Variants in MAP3K20 observed in about 807,000 individuals in gnomAD.
MAP3K20 encodes the protein mitogen-activated protein kinase kinase kinase 20.
A neutral mutation model predicts 85.7 loss-of-function variants in MAP3K20; 40 were observed. The ratio of observed to expected loss-of-function variants is 0.47; its 90% confidence interval spans 0.36 to 0.61. The LOEUF (loss-of-function observed/expected upper bound fraction) is 0.61, where lower values mean the gene tolerates loss of function less well. Among genes scored for constraint, MAP3K20 ranks in the 20% least tolerant of loss-of-function variants. The pLI is 0.00. For synonymous variants in MAP3K20, 325 were observed against 327.7 expected (o/e 0.99, Z 0.09); for missense variants, 817 against 961.7 (o/e 0.85, Z 1.99).
chr2:173,126,965 T>C (rs1688463024), intron 2 of MAP3K20, among the ~76,000 whole-genome samples: 1 of 152,248 alleles, frequency 6.6e-6, no homozygotes. Context: ...GGTTTTAGAA[T>C]GGACATTTAA....
chr2:173,216,953 G>T (rs575201606), intron 10 of MAP3K20, among the ~76,000 whole-genome samples, 162 bp from the exon 11 acceptor site: 1 of 152,262 alleles, frequency 6.6e-6, no homozygotes, highest in East Asian at 1.9e-4. Context: ...AACTACCCTT[G>T]ATATTTAAGG....
At position 173,208,015 on chromosome 2, in the gene MAP3K20, T is replaced by C. The variant is rs77948353; in HGVS notation, c.745-1714T>C. The stretch of plus-strand genomic sequence containing the variant: ...TAAGAATGATTAAATGTAGGGAAAT[T>C]ATTCTTTAAAAATTCATTAGCTCTT... On this transcript the variant is annotated intron_variant, in intron 9 of 19. Transcript: ENST00000375213. 2.4e-3 allele frequency among the ~76,000 whole-genome samples: 365 copies of C among 152,262 alleles called. 1 individual carries two copies. Among genetic ancestry groups the C allele is most frequent in the Non-Finnish European group, 3.6e-3 (246 of 68,020 alleles).
chr2:173,209,315 G>T (rs1441031213), intron 9 of MAP3K20, among the ~76,000 whole-genome samples: 1 of 152,166 alleles, frequency 6.6e-6, no homozygotes, highest in Non-Finnish European at 1.5e-5. Flanking sequence ...AAAGTGGAAA[G>T]AATTTTACAG....
chr2:173,209,602 C>T (rs1683810529), intron 9 of MAP3K20, 127 bp from the exon 10 acceptor site: 2 of 701,576 alleles, frequency 2.9e-6, no homozygotes, highest in South Asian at 3.9e-5. Flanking sequence ...TACATCAGGA[C>T]ATTGTATCAT....
chr2:173,239,590 T>C (rs1684734422), intron 16 of MAP3K20, 94 bp downstream of exon 16: 1 of 1,089,514 alleles, frequency 9.2e-7, no homozygotes, highest in African/African-American at 1.6e-5. Flanking sequence ...CCCTACCAGC[T>C]GGTAACTGGA....
At chr2:173,222,934 A>G (rs1684290173) in intron 11 of MAP3K20, 10 of 985,190 alleles carry the variant, frequency 1.0e-5, no homozygotes, top group South Asian at 4.7e-5. Context: ...TTTTCAAACT[A>G]AATTAGAAAG....
At position 173,198,607 on chromosome 2, in the gene MAP3K20, G is replaced by C. The variant is rs1690928344; in HGVS notation, c.669+495G>C. The stretch of plus-strand genomic sequence containing the variant: ...AAGAAGAAAAAATAGTTTCAAAAAA[G>C]GGAAAAATTACAGTTTTGCCACCTA... On this transcript the variant is annotated intron_variant, in intron 8 of 19. Transcript: ENST00000375213. The surrounding 1 kb of genome is among the most constrained non-coding windows in gnomAD (Gnocchi z 5.8). The C allele has an allele frequency of 6.6e-6, 1 of 152,650 alleles. No individual in the cohort carries two copies. The highest frequency in any genetic ancestry group is 1.5e-5 in the Non-Finnish European group (1 of 68,090). 9.5% of individuals were successfully genotyped at this position (152,650 alleles called of 1,614,324 possible).
chr2:173,139,713 C>T (rs1334607010), intron 2 of MAP3K20, among the ~76,000 whole-genome samples: 2 of 152,006 alleles, frequency 1.3e-5, no homozygotes, highest in African/African-American at 4.8e-5. Flanking sequence ...ATGACCAGTG[C>T]TTACTTAAGT....
At chr2:173,233,061 G>C (rs1426280667) in intron 14 of MAP3K20, among the ~76,000 whole-genome samples, 7 of 152,190 alleles carry the variant, frequency 4.6e-5, no homozygotes, top group Non-Finnish European at 1.0e-4. Flanking sequence ...ATCTGGTGGA[G>C]AAAACAGATA....
chr2:173,097,176 C>G lies in MAP3K20; in HGVS notation c.159+5986C>G, dbSNP rs187010782. ...CGGGCGGATCACGAGGTCAAGAGAT[C>G]GAAACCCCGTCTCTACTAAAAATAC... is the stretch of plus-strand genomic sequence containing the variant. On this transcript the variant is annotated intron_variant, in intron 2 of 19. Transcript: ENST00000375213. Among the ~76,000 whole-genome samples, 103 of 152,086 alleles carry G rather than the reference C, an allele frequency of 6.8e-4. 1 individual carries two copies. The highest frequency in any genetic ancestry group is 1.4e-3 in the Non-Finnish European group (94 of 67,978).
At chr2:173,225,229 T>G (rs1028630912) in intron 11 of MAP3K20, 4 of 711,518 alleles carry the variant, frequency 5.6e-6, no homozygotes, top group Non-Finnish European at 6.9e-6. Context: ...GCAACTGGGG[T>G]GGCATTTGCT....
chr2:173,163,856 A>G (rs565503994), intron 2 of MAP3K20, among the ~76,000 whole-genome samples: 29 of 152,280 alleles, frequency 1.9e-4, no homozygotes, highest in Non-Finnish European at 2.8e-4. Flanking sequence ...TCTTTGAGAA[A>G]TCTCCAAACT....
At chr2:173,226,282 G>C in intron 11 of MAP3K20, 1 of 985,344 alleles carries the variant, frequency 1.0e-6, no homozygotes, top group Non-Finnish European at 1.2e-6. Context: ...GGAATGGTAA[G>C]AGTTTTATGA....
intron 5 of MAP3K20, among the ~76,000 whole-genome samples, chr2:173,188,455 T>C (rs973204194): frequency 2.0e-5 from 3 of 152,184 alleles, no homozygotes; most frequent in African/African-American, 7.2e-5. Flanking sequence ...GAACTATCTA[T>C]TTTTAGGAGA....
At chr2:173,251,540 A>G (rs1412410504) in intron 16 of MAP3K20, among the ~76,000 whole-genome samples, 1 of 152,192 alleles carries the variant, frequency 6.6e-6, no homozygotes, top group African/African-American at 2.4e-5. Flanking sequence ...AATCTCAAAA[A>G]CAACATACAA....
At chr2:173,155,404 G>A (rs145198411) in intron 2 of MAP3K20, among the ~76,000 whole-genome samples, 50 of 152,278 alleles carry the variant, frequency 3.3e-4, no homozygotes, top group African/African-American at 1.2e-3. Flanking sequence ...TAGGCTCCAT[G>A]AGGAAAAAGG....
At chr2:173,100,235 A>C (rs1364147974) in intron 2 of MAP3K20, among the ~76,000 whole-genome samples, 1 of 152,220 alleles carries the variant, frequency 6.6e-6, no homozygotes, top group Non-Finnish European at 1.5e-5. Context: ...TCTACCAAGT[A>C]CTGCTACCAC....
Position 173,226,928 on chromosome 2 carries a change from A to C in MAP3K20, c.988-2761A>C, listed in dbSNP as rs114926180. ...TTATTCTGAGCAAGTCCTATGCCAA[A>C]TATCTTGTATAATGTTTGTATGGAA... On this transcript the variant is annotated intron_variant, in intron 11 of 19. Transcript: ENST00000375213. 340 of 985,190 alleles carry C rather than the reference A, an allele frequency of 3.5e-4. 3 individuals are homozygous for C. In the African/African-American group the frequency reaches 5.6e-3, roughly 16 times the overall value. 61.0% of individuals were successfully genotyped at this position (985,190 alleles called of 1,614,324 possible).
intron 7 of MAP3K20, among the ~76,000 whole-genome samples, chr2:173,194,037 G>A (rs1001356828): frequency 6.6e-6 from 1 of 152,120 alleles, no homozygotes; most frequent in African/African-American, 2.4e-5. Context: ...TATCAATTCT[G>A]CATTCATGCT....
Sources: allele counts gnomAD v4.1 joint callset (sites outside exome capture counted in the v4.1 genomes callset), GRCh38; gene constraint gnomAD v4.1.1; non-coding constraint Gnocchi (gnomAD v3.1); transcripts MANE v1.5; gene names NCBI Gene and HGNC (gene_info 2026-07-23, HGNC 2026-07-21).